The following TXLNB variants were observed in gnomAD, a reference collection of about 807,000 sequenced individuals.
TXLNB encodes the protein taxilin beta.
TXLNB carries 37 observed loss-of-function variants against 57.4 expected under a neutral mutation model. The observed-to-expected ratio is 0.64, with a 90% CI of 0.50 to 0.85. The LOEUF is 0.85. TXLNB is among the 40% of genes least tolerant of loss of function. The pLI, the probability that TXLNB is intolerant of heterozygous loss-of-function variation, is 0.00. For synonymous variants in TXLNB, 302 were observed against 309.6 expected (o/e 0.98, Z 0.26); for missense variants, 848 against 825.6 (o/e 1.03, Z -0.33).
At chr6:139,182,014 G>A in the TXLNB span, among the ~76,000 whole-genome samples, 1 of 152,184 alleles carries the variant, frequency 6.6e-6, no homozygotes, top group Non-Finnish European at 1.5e-5. Context: ...GAAAAGACTT[G>A]ATCGTATGCT....
chr6:139,168,528 A>C, the TXLNB span, among the ~76,000 whole-genome samples: 1 of 151,780 alleles, frequency 6.6e-6, no homozygotes, highest in African/African-American at 2.4e-5. Flanking sequence ...TTTTTTGGAA[A>C]AAAAATTTTT....
At chr6:139,203,823 C>T in the TXLNB span, among the ~76,000 whole-genome samples, 7 of 151,692 alleles carry the variant, frequency 4.6e-5, no homozygotes, top group African/African-American at 1.7e-4. Flanking sequence ...TCCAGTTCCA[C>T]TCCAGAATGT....
At chr6:139,170,818 GGAAAGGGGTTT>G in the TXLNB span, among the ~76,000 whole-genome samples, 1 of 152,172 alleles carries the variant, frequency 6.6e-6, no homozygotes, top group African/African-American at 2.4e-5. Flanking sequence ...GAAAGGTGCG[GGAAAGGGGTTT>G]GAAAGGGGTG....
the TXLNB span, among the ~76,000 whole-genome samples, chr6:139,227,253 C>T: frequency 2.0e-5 from 3 of 151,772 alleles, no homozygotes; most frequent in African/African-American, 7.3e-5. Context: ...GCATGAGAAT[C>T]GCTAGAACCC....
At chr6:139,295,770 T>G (rs956472095), upstream of TXLNB, among the ~76,000 whole-genome samples, 2 of 152,228 alleles carry the variant, frequency 1.3e-5, no homozygotes, top group Non-Finnish European at 1.5e-5. Flanking sequence ...TATCCTATAT[T>G]GTCTTTATTG....
chr6:139,180,693 TA>T, the TXLNB span: 678 of 152,766 alleles, frequency 4.4e-3, 21 homozygotes, highest in East Asian at 1.5e-3. Context: ...TGTAAATAGT[TA>T]AAGAATGTTG....
chr6:139,304,168 G>A, the TXLNB span, among the ~76,000 whole-genome samples: 5 of 152,140 alleles, frequency 3.3e-5, no homozygotes, highest in Non-Finnish European at 5.9e-5. Context: ...AAAAGAAGGT[G>A]AAGAAGTTGT....
the TXLNB span, among the ~76,000 whole-genome samples, chr6:139,216,508 G>T: frequency 6.6e-6 from 1 of 150,798 alleles, no homozygotes; most frequent in African/African-American, 2.4e-5. Context: ...ATAGCATTAG[G>T]AGATATACCT....
At chr6:139,314,687 T>G in the TXLNB span, among the ~76,000 whole-genome samples, 1 of 152,224 alleles carries the variant, frequency 6.6e-6, no homozygotes, top group South Asian at 2.1e-4. Flanking sequence ...TTGACAGTGA[T>G]TACTTGTATC....
chr6:139,309,877 GA>G, the TXLNB span, among the ~76,000 whole-genome samples: 17 of 152,132 alleles, frequency 1.1e-4, no homozygotes, highest in Non-Finnish European at 1.5e-4. Context: ...ACACAATGGG[GA>G]AAGAACAGTC....
chr6:139,286,009 A>G (rs1458413609), intron 2 of TXLNB, among the ~76,000 whole-genome samples: 1 of 150,286 alleles, frequency 6.7e-6, no homozygotes, highest in Non-Finnish European at 1.5e-5. Context: ...TACATTTTCT[A>G]TTTCTTATCT....
the TXLNB span, among the ~76,000 whole-genome samples, chr6:139,215,292 A>G: frequency 1.3e-5 from 2 of 152,196 alleles, no homozygotes; most frequent in Non-Finnish European, 2.9e-5. Context: ...AGACCAATGG[A>G]ACAGAACAGA....
Position 139,270,464 on chromosome 6 carries a change from T to C in TXLNB, c.679A>G (p.Thr227Ala). The change falls in exon 4 of 10, where the codon ACT becomes GCT. Residue 227 changes from threonine to alanine, a missense_variant. Transcript: ENST00000358430. ...LCRELQRHNK[T>A]LKEEALQRAR... is the part of the protein sequence containing the mutation. ...GAGGCATGGGGACATACCTTCAGAG[T>C]CTTGTTGTGTCTCTGCAGCTCCCGG... The C allele has an allele frequency of 6.2e-7, 1 of 1,613,652 alleles. No homozygotes were observed. The highest frequency in any genetic ancestry group is 1.1e-5 in the South Asian group (1 of 90,958).
intron 8 of TXLNB, among the ~76,000 whole-genome samples, chr6:139,247,527 G>A (rs1454274663): frequency 1.4e-5 from 2 of 139,136 alleles, no homozygotes; most frequent in Non-Finnish European, 3.1e-5. Flanking sequence ...GCTAGCTCTG[G>A]TCTTCTTTTT....
chr6:139,195,477 G>A, the TXLNB span, among the ~76,000 whole-genome samples: 2 of 152,134 alleles, frequency 1.3e-5, no homozygotes, highest in East Asian at 3.9e-4. Flanking sequence ...TGCATAGCTA[G>A]AGTGTCTAAC....
At chr6:139,279,547 A>C (rs1391468346) in intron 2 of TXLNB, among the ~76,000 whole-genome samples, 2 of 152,222 alleles carry the variant, frequency 1.3e-5, no homozygotes, top group African/African-American at 2.4e-5. Flanking sequence ...TTACAACATC[A>C]CTGACCTCAG....
At chr6:139,255,486 C>T (rs2114486021) in intron 7 of TXLNB, 78 bp downstream of exon 7, 2 of 1,213,912 alleles carry the variant, frequency 1.6e-6, no homozygotes, top group Non-Finnish European at 2.4e-6. Context: ...AGGACTTCTG[C>T]TGCCCACCTT....
chr6:139,243,926 A>G (rs1206259034), intron 9 of TXLNB, among the ~76,000 whole-genome samples: 1 of 152,200 alleles, frequency 6.6e-6, no homozygotes, highest in Non-Finnish European at 1.5e-5. Context: ...TTTGTGCATG[A>G]AAATGTTCCT....
chr6:139,277,790 A>G (rs1392650835), intron 2 of TXLNB, among the ~76,000 whole-genome samples: 8 of 152,176 alleles, frequency 5.3e-5, no homozygotes, highest in Non-Finnish European at 1.5e-5. Context: ...CTACCTATCT[A>G]TGAAAACCAC....
Sources: allele counts gnomAD v4.1 joint callset (sites outside exome capture counted in the v4.1 genomes callset), GRCh38; gene constraint gnomAD v4.1.1; transcripts MANE v1.5; gene names NCBI Gene and HGNC (gene_info 2026-07-23, HGNC 2026-07-21).